Variants in SLC38A1 observed in about 807,000 individuals in gnomAD.
SLC38A1 encodes sodium-coupled neutral amino acid symporter 1.
Under a neutral mutation model 60.3 loss-of-function variants are expected in SLC38A1, and 18 were observed. The ratio of observed to expected loss-of-function variants is 0.30; its 90% confidence interval spans 0.21 to 0.44. The LOEUF (loss-of-function observed/expected upper bound fraction) is 0.44. Ranked by LOEUF, SLC38A1 falls within the 20% of genes least tolerant of loss-of-function variation. The pLI is 1.00. For synonymous variants in SLC38A1, 196 were observed against 212.1 expected (o/e 0.92, Z 0.66); for missense variants, 448 against 587.2 (o/e 0.76, Z 2.45).
chr12:46,265,331 A>G (rs539148294), intron 1 of SLC38A1, among the ~76,000 whole-genome samples: 1 of 152,370 alleles, frequency 6.6e-6, no homozygotes, highest in African/African-American at 2.4e-5. Context: ...ACCTGGAGTA[A>G]CAACAGTCCA....
rs1939937737 is a variant in SLC38A1 at position 46,207,031 on chromosome 12, A to G, written c.563+124T>C. The G allele has an allele frequency of 6.1e-6, 4 of 651,442 alleles. No individual in the cohort carries two copies. In the South Asian group the frequency reaches 9.0e-5, roughly 15 times the overall value. 40.4% of individuals were successfully genotyped at this position (651,442 alleles called of 1,614,324 possible). On this transcript the variant is annotated intron_variant, in intron 8 of 16. Coordinates refer to ENST00000398637, the MANE Select transcript of SLC38A1 (RefSeq NM_030674.4). ...CCCAAAGAAATTTATTGTTGAAACAACAAACAAACAAAACGCAGCCTAGGA... is the reference window on the plus strand; with the variant it reads ...CCCAAAGAAATTTATTGTTGAAACAGCAAACAAACAAAACGCAGCCTAGGA...
At chr12:46,239,172 T>C (rs1324016882) in intron 3 of SLC38A1, 1 of 152,402 alleles carries the variant, frequency 6.6e-6, no homozygotes, top group Non-Finnish European at 1.5e-5. Context: ...ATTACTTTCC[T>C]ATTTGCTTCA....
chr12:46,219,862 C>T (rs1200157862), intron 5 of SLC38A1, among the ~76,000 whole-genome samples: 2 of 152,238 alleles, frequency 1.3e-5, no homozygotes, highest in African/African-American at 2.4e-5. Flanking sequence ...GATCACACTG[C>T]TGTCCTTGGA....
chr12:46,242,019 T>C (rs964722714), intron 2 of SLC38A1, among the ~76,000 whole-genome samples: 2 of 152,068 alleles, frequency 1.3e-5, no homozygotes, highest in African/African-American at 4.8e-5. Flanking sequence ...ATTTTCATAT[T>C]AAAAATACAT....
At chr12:46,229,387 TC>T in intron 4 of SLC38A1, 119 bp from the exon 5 acceptor site, 1 of 814,428 alleles carries the variant, frequency 1.2e-6, no homozygotes, top group East Asian at 2.6e-5. Context: ...GAAAATCCAT[TC>T]TTAGTTATCT....
At chr12:46,238,582 G>T (rs936193710) in intron 3 of SLC38A1, among the ~76,000 whole-genome samples, 5 of 152,168 alleles carry the variant, frequency 3.3e-5, no homozygotes, top group Admixed American at 6.5e-5. Flanking sequence ...CTTTCAGGAG[G>T]CTGTGCCGCT....
chr12:46,252,771 A>T (rs1941896515), intron 1 of SLC38A1, among the ~76,000 whole-genome samples: 1 of 152,010 alleles, frequency 6.6e-6, no homozygotes, highest in African/African-American at 2.4e-5. Context: ...TTGCAGCATT[A>T]TTCACAATAG....
At chr12:46,221,846 G>A (rs1402564637) in intron 5 of SLC38A1, among the ~76,000 whole-genome samples, 1 of 152,182 alleles carries the variant, frequency 6.6e-6, no homozygotes, top group African/African-American at 2.4e-5. Flanking sequence ...AAGGAAGAGA[G>A]ACCTCCCTTC....
At chr12:46,242,326 T>C (rs1280453547) in intron 2 of SLC38A1, among the ~76,000 whole-genome samples, 1 of 152,088 alleles carries the variant, frequency 6.6e-6, no homozygotes, top group African/African-American at 2.4e-5. Context: ...CTTGCAAAAA[T>C]AGTATCAGTT....
intron 10 of SLC38A1, 46 bp from the exon 11 acceptor site, chr12:46,204,463 C>T (rs188314569): frequency 3.8e-4 from 606 of 1,590,284 alleles, no homozygotes; most frequent in Admixed American, 7.3e-4. Flanking sequence ...TTTAGTAAAG[C>T]CAATGAATAA....
intron 2 of SLC38A1, among the ~76,000 whole-genome samples, chr12:46,242,538 C>T (rs1052891601): frequency 6.6e-6 from 1 of 152,000 alleles, no homozygotes; most frequent in Non-Finnish European, 1.5e-5. Flanking sequence ...TTGGGATGCC[C>T]AGGCAGGCAG....
intron 5 of SLC38A1, among the ~76,000 whole-genome samples, chr12:46,213,340 T>C (rs776934468): frequency 5.9e-5 from 9 of 152,248 alleles, no homozygotes; most frequent in Non-Finnish European, 1.0e-4. Flanking sequence ...TGTCTGTTTC[T>C]GAAGCTAAGT....
intron 1 of SLC38A1, among the ~76,000 whole-genome samples, chr12:46,250,271 T>C (rs1386057133): frequency 6.6e-6 from 1 of 152,138 alleles, no homozygotes; most frequent in East Asian, 1.9e-4. Flanking sequence ...GAAAAGGCCT[T>C]CGACAAAATT....
chr12:46,219,314 AGTTTC>A (rs1940555004), intron 5 of SLC38A1, among the ~76,000 whole-genome samples: 1 of 152,110 alleles, frequency 6.6e-6, no homozygotes, highest in Admixed American at 6.5e-5. Context: ...TTGCAAAGGC[AGTTTC>A]AGTTTCTTTA....
At chr12:46,193,666 A>T (rs1380692790) in intron 16 of SLC38A1, among the ~76,000 whole-genome samples, 1 of 151,966 alleles carries the variant, frequency 6.6e-6, no homozygotes, top group Non-Finnish European at 1.5e-5. Context: ...TGGTGAATTG[A>T]TCCCTTTACC....
chr12:46,191,560 C>T (rs1284692397), intron 16 of SLC38A1, among the ~76,000 whole-genome samples: 1 of 152,244 alleles, frequency 6.6e-6, no homozygotes, highest in Admixed American at 6.5e-5. Context: ...TCTTCCTATC[C>T]ATGAGCGTGG....
At chr12:46,206,010 G>C (rs1939881106) in intron 9 of SLC38A1, 70 bp downstream of exon 9, 1 of 921,506 alleles carries the variant, frequency 1.1e-6, no homozygotes, top group Admixed American at 1.9e-5. Context: ...GGGCAACACT[G>C]TCCATTTTTA....
intron 5 of SLC38A1, among the ~76,000 whole-genome samples, chr12:46,219,843 C>T (rs757809905): frequency 3.9e-5 from 6 of 152,144 alleles, no homozygotes; most frequent in Admixed American, 6.5e-5. Context: ...TACACTGTAC[C>T]AAAACAGAGA....
intron 3 of SLC38A1, among the ~76,000 whole-genome samples, chr12:46,237,789 T>C (rs1941310649): frequency 6.6e-6 from 1 of 151,898 alleles, no homozygotes; most frequent in Non-Finnish European, 1.5e-5. Flanking sequence ...ATTGCTTTGA[T>C]AATGGATTGC....
Sources: gnomAD v4.1 joint callset for allele counts (sites outside exome capture counted in the v4.1 genomes callset) on GRCh38, gnomAD v4.1.1 for gene constraint, MANE v1.5 for transcripts, NCBI Gene and HGNC (gene_info 2026-07-23, HGNC 2026-07-21) for gene names.